The following EPHA1 variants were observed in gnomAD, a reference collection of about 807,000 sequenced individuals.
The protein encoded by EPHA1 is ephrin type-A receptor 1.
In EPHA1, 92 loss-of-function variants were observed where a neutral mutation model predicts 110.1. The ratio of observed to expected loss-of-function variants is 0.84; its 90% CI spans 0.71 to 0.99. The LOEUF is 0.99. EPHA1 is among the 50% of genes least tolerant of loss of function. The probability of loss-of-function intolerance (pLI) is 0.00; values close to 1 mark genes in which losing one functional copy is unlikely to be tolerated. For synonymous variants in EPHA1, 500 were observed against 516.1 expected (o/e 0.97, Z 0.42); for missense variants, 1,204 against 1,285.4 (o/e 0.94, Z 0.97).
chr7:143,401,717 C>G lies in EPHA1; in HGVS notation c.151-112G>C. 7.7e-7 allele frequency: 1 copy of G among 1,294,206 alleles called. No individual in the cohort carries two copies. The highest frequency in any genetic ancestry group is 1.4e-5 in the South Asian group (1 of 71,510). 80.2% of individuals were successfully genotyped at this position (1,294,206 alleles called of 1,614,324 possible). ...GTCAGAGCCCCTCAGGTTTATGCTA[C>G]TTGTTCTGCCTCTCCCCACCCCTCA... On this transcript the variant is annotated intron_variant, in intron 2 of 17. Transcript: ENST00000275815. The surrounding 1 kb of genome is among the most constrained non-coding windows in gnomAD (Gnocchi z 4.1).
intron 10 of EPHA1, 128 bp downstream of exon 10, chr7:143,397,176 T>C: frequency 8.8e-7 from 1 of 1,135,400 alleles, no homozygotes; most frequent in Non-Finnish European, 1.2e-6. Flanking sequence ...ACCCCACATG[T>C]GCCCCCAGAG....
intron 1 of EPHA1, 59 bp from the exon 2 acceptor site, chr7:143,407,737 C>T: frequency 6.8e-7 from 1 of 1,475,638 alleles, no homozygotes; most frequent in East Asian, 2.3e-5. Context: ...CCCTGCAGCC[C>T]ACATTAATCA....
chr7:143,394,319 T>G lies in EPHA1; in HGVS notation c.2377A>C (p.Thr793Pro), dbSNP rs1805179812. 6.2e-7 allele frequency: 1 copy of G among 1,613,954 alleles called. No individual in the cohort carries two copies. Among genetic ancestry groups the G allele is most frequent in the Admixed American group, 1.7e-5 (1 of 59,990 alleles). ...CGATGGGCAATGGCTTCAGGGGCTG[T>G]CCAACGGATAGGGATCTTTCCTCCC... is the stretch of plus-strand genomic sequence containing the variant. ...TQGGKIPIRW[T>P]APEAIAHRIF... The change falls in exon 15 of 18, where the codon ACA becomes CCA. Residue 793 changes from threonine to proline, a missense_variant. Thr to Pro is a conservative substitution (Grantham distance 38). Transcript: ENST00000275815.
intron 14 of EPHA1, 128 bp from the exon 15 acceptor site, chr7:143,394,471 A>G: frequency 1.7e-6 from 2 of 1,203,558 alleles, no homozygotes; most frequent in Non-Finnish European, 2.2e-6. Context: ...GCTAGGCTGC[A>G]GTGCAGTGGC....
rs1425152855 is a variant in EPHA1 at position 143,397,619 on chromosome 7, T to C, written c.1654A>G (p.Ile552Val). The change falls in exon 9 of 18, where the codon ATC becomes GTC. Residue 552 changes from isoleucine to valine, a missense_variant. Physicochemically the swap from Ile to Val is conservative, Grantham distance 29. Transcript: ENST00000275815. ...GCTGCACCAAGCAGCAGCCCAAAGA[T>C]GACGGCTACAATCTCTCCTCCAGTC... ...GLTGGEIVAV[I>V]FGLLLGAALL... The C allele has an allele frequency of 3.7e-6, 6 of 1,614,142 alleles. No individual in the cohort carries two copies. Among genetic ancestry groups the C allele is most frequent in the Non-Finnish European group, 5.1e-6 (6 of 1,180,020 alleles).
chr7:143,401,191 C>G lies in EPHA1; in HGVS notation c.432+133G>C. 8.3e-7 allele frequency: 1 copy of G among 1,209,216 alleles called. No individual in the cohort carries two copies. Among genetic ancestry groups the G allele is most frequent in the African/African-American group, 1.5e-5 (1 of 65,970 alleles). The allele number at this position is 1,209,216 out of a possible 1,614,324, so 74.9% of individuals were successfully genotyped here. A position where few individuals can be genotyped will look rare whatever the true frequency, so the allele number is the denominator to read the frequency against. On this transcript the variant is annotated intron_variant, in intron 3 of 17. Transcript: ENST00000275815. The surrounding 1 kb of genome is among the most constrained non-coding windows in gnomAD (Gnocchi z 4.1). ...TACAGGCACAAGCCACCATGCCCAG[C>G]CTTCAAGCGCCAAATTCTTTTCAAG... is the stretch of plus-strand genomic sequence containing the variant.
In EPHA1 at chr7:143,398,447, C is replaced by T. The variant is rs760528586; in HGVS notation, c.1338G>A (p.Glu446=). The T allele has an allele frequency of 1.2e-6, 2 of 1,614,152 alleles. No individual in the cohort carries two copies. The highest frequency in any genetic ancestry group is 2.2e-5 in the South Asian group (2 of 91,088). ...GTCTCAGAGACAGGCCTGACAGTGA[C>T]TCTGGGGGTCCAGAGGGATAAGGTT... The part of the protein sequence containing the change: ...TSVSISMGHA[E]SLSGLSLRLV... The change falls in exon 7 of 18, where the codon GAG becomes GAA. Residue 446 remains glutamate, a splice_region_variant and synonymous_variant. Coordinates refer to ENST00000275815, the MANE Select transcript of EPHA1 (RefSeq NM_005232.5).
At chr7:143,407,270 A>C (rs977280043) in intron 2 of EPHA1, among the ~76,000 whole-genome samples, 3 of 152,060 alleles carry the variant, frequency 2.0e-5, no homozygotes, top group Non-Finnish European at 4.4e-5. Context: ...TCCCTCCCCA[A>C]GCAAAGCACT....
At chr7:143,404,614 C>T (rs750443592) in intron 2 of EPHA1, among the ~76,000 whole-genome samples, 18 of 152,128 alleles carry the variant, frequency 1.2e-4, no homozygotes, top group African/African-American at 1.7e-4. Context: ...TTTGCAATTC[C>T]GATGCTATCA....
At chr7:143,398,246 C>T in intron 7 of EPHA1, 75 bp downstream of exon 7, 2 of 1,598,184 alleles carry the variant, frequency 1.3e-6, no homozygotes, top group East Asian at 4.5e-5. Flanking sequence ...TCCTCCCAAC[C>T]CACACCCCAG....
At position 143,393,242 on chromosome 7, in the gene EPHA1, G is replaced by A. The variant is rs1175112362; in HGVS notation, c.2696+429C>T. Among the ~76,000 whole-genome samples the A allele has an allele frequency of 6.6e-6, 1 of 152,130 alleles. No homozygotes were observed. On this transcript the variant is annotated intron_variant, in intron 16 of 17. Coordinates refer to ENST00000275815, the MANE Select transcript of EPHA1 (RefSeq NM_005232.5). The surrounding 1 kb of genome is among the most constrained non-coding windows in gnomAD (Gnocchi z 5.6). ...AGTGCAGCTGTATCTCCAATGTCCA[G>A]CAAACAGCTTGCACCAGTAGGTCCT...
intron 2 of EPHA1, 129 bp downstream of exon 2, chr7:143,407,482 T>A: frequency 4.3e-5 from 29 of 676,458 alleles, no homozygotes; most frequent in East Asian, 7.0e-5. Context: ...CTCAGCCTCC[T>A]CTCCCCCTCC....
At chr7:143,392,561 C>A (rs557574080) in intron 16 of EPHA1, among the ~76,000 whole-genome samples, 122 of 151,616 alleles carry the variant, frequency 8.0e-4, no homozygotes, top group Middle Eastern at 3.4e-3. Context: ...CCCCCACCCC[C>A]CCATCAGTTC....
In EPHA1 at chr7:143,397,928, C is replaced by A. The variant is rs765978732; in HGVS notation, c.1607G>T (p.Ser536Ile). 1.9e-6 allele frequency: 3 copies of A among 1,613,966 alleles called. No homozygotes were observed. The Admixed American group carries it at 5.0e-5, about 27-fold the overall frequency. Residue 536 changes from serine (S) to isoleucine (I), a missense_variant, in exon 8 of 18, where the codon AGC becomes ATC. By Grantham distance (142) the Ser-to-Ile change is moderately radical (BLOSUM62 -2). Transcript: ENST00000275815. ...AGCACAAGATACCCCACCTGGTGGG[C>A]TGGTCCGAAACTCATGATCAGGGGA... Reference protein sequence around the residue: ...PFSPDHEFRTSPPVSRGLTGG... With the variant: ...PFSPDHEFRTIPPVSRGLTGG...
chr7:143,402,704 A>G (rs1244645161), intron 2 of EPHA1, among the ~76,000 whole-genome samples: 1 of 152,212 alleles, frequency 6.6e-6, no homozygotes, highest in African/African-American at 2.4e-5. Context: ...CGGTTTAAGC[A>G]CTTTCCACGA....
chr7:143,396,355 G>T, intron 11 of EPHA1, 30 bp downstream of exon 11: 1 of 1,603,578 alleles, frequency 6.2e-7, no homozygotes, highest in Non-Finnish European at 8.5e-7. Flanking sequence ...ACATGGCGGG[G>T]GGCCTGCTGC....
chr7:143,395,177 G>C lies in EPHA1; in HGVS notation c.2089C>G (p.Pro697Ala), dbSNP rs1805209495. ...ATAAATTCTGTGATGATCATGATCG[G>C]CTTTCCTGAGACACAGACACACATA... ...HLEGVVTKRK[P>A]IMIITEFMEN... Residue 697 changes from proline (P) to alanine (A), a missense_variant, in exon 13 of 18, where the codon CCG (proline) becomes GCG (alanine). Coordinates refer to ENST00000275815, the MANE Select transcript of EPHA1 (RefSeq NM_005232.5). The surrounding 1 kb of genome is among the most constrained non-coding windows in gnomAD (Gnocchi z 4.7). 3.1e-6 allele frequency: 5 copies of C among 1,613,500 alleles called. No individual in the cohort carries two copies. The highest frequency in any genetic ancestry group is 4.2e-6 in the Non-Finnish European group (5 of 1,180,028).
chr7:143,394,346 A>G lies in EPHA1; in HGVS notation c.2353-3T>C, dbSNP rs1254448575. ...CAACGGATAGGGATCTTTCCTCCCT[A>G]AGAAGGCACATGGGTCAGGGACGGA... On this transcript the variant is annotated splice_region_variant and splice_polypyrimidine_tract_variant and intron_variant, in intron 14 of 17. Transcript: ENST00000275815. 1 of 1,613,420 alleles carries G rather than the reference A, an allele frequency of 6.2e-7. No individual in the cohort carries two copies. The highest frequency in any genetic ancestry group is 8.5e-7 in the Non-Finnish European group (1 of 1,179,570).
chr7:143,395,656 C>A lies in EPHA1; in HGVS notation c.1898-152G>T. On this transcript the variant is annotated intron_variant, in intron 11 of 17. Transcript: ENST00000275815. The surrounding 1 kb of genome is among the most constrained non-coding windows in gnomAD (Gnocchi z 4.7). ...TGGGACAGGGCGTGGGCTGTCCTTC[C>A]TGGGGAAGGTCAGAGTCTGGAGCTG... 8 of 771,084 alleles carry A rather than the reference C, an allele frequency of 1.0e-5. No individual in the cohort carries two copies. The highest frequency in any genetic ancestry group is 1.6e-5 in the Non-Finnish European group (8 of 491,716). 47.8% of individuals were successfully genotyped at this position (771,084 alleles called of 1,614,324 possible).
Sources: allele counts gnomAD v4.1 joint callset (sites outside exome capture counted in the v4.1 genomes callset), GRCh38; gene constraint gnomAD v4.1.1; non-coding constraint Gnocchi (gnomAD v3.1); transcripts MANE v1.5; gene names NCBI Gene and HGNC (gene_info 2026-07-23, HGNC 2026-07-21).